STAT5B: variants seen among roughly 807,000 people sequenced by gnomAD.
The protein encoded by STAT5B is signal transducer and activator of transcription 5B.
Under a neutral mutation model 107.8 loss-of-function variants are expected in STAT5B, and 21 were observed. The ratio of observed to expected loss-of-function variants is 0.19; its 90% confidence interval spans 0.14 to 0.28. The LOEUF (loss-of-function observed/expected upper bound fraction) is 0.28. Ranked by LOEUF, STAT5B falls within the 10% of genes least tolerant of loss-of-function variation. STAT5B has a pLI of 1.00. For synonymous variants in STAT5B, 325 were observed against 401.7 expected, an observed-to-expected ratio of 0.81 and a Z score of 2.28; for missense variants, 565 against 1,008.2, an observed-to-expected ratio of 0.56 and a Z score of 5.95.
chr17:42,281,140 A>AAAAAC (rs1567683244), upstream of STAT5B, among the ~76,000 whole-genome samples: 144 of 152,164 alleles, frequency 9.5e-4, no homozygotes, highest in African/African-American at 3.3e-3. Flanking sequence ...TCTCAAAAAA[A>AAAAAC]AAAAACAAAA....
chr17:42,220,528 G>T (rs1213690724), intron 5 of STAT5B, among the ~76,000 whole-genome samples: 1 of 152,124 alleles, frequency 6.6e-6, no homozygotes, highest in Non-Finnish European at 1.5e-5. Flanking sequence ...CCTCCTCAGG[G>T]GAGGATGAGA....
At chr17:42,223,284 C>T (rs984322710) in intron 5 of STAT5B, 98 bp downstream of exon 5, 12 of 1,576,234 alleles carry the variant, frequency 7.6e-6, no homozygotes, top group Middle Eastern at 2.2e-4. Flanking sequence ...TCGCTGCCTC[C>T]GAATGGAAAG....
rs1555548681 is a variant in STAT5B at position 42,216,079 on chromosome 17, C to T, written c.1408G>A (p.Val470Ile). 6.2e-7 allele frequency: 1 copy of T among 1,613,816 alleles called. No homozygotes were observed. The highest frequency in any genetic ancestry group is 8.5e-7 in the Non-Finnish European group (1 of 1,179,906). Residue 470 changes from valine to isoleucine, a missense_variant, in exon 12 of 19, where the codon GTT becomes ATT. Physicochemically the swap from Val to Ile is conservative, Grantham distance 29. This residue lies in a region of STAT5B where 127 missense variants were observed against 215.8 expected (regional missense o/e 0.59). Transcript: ENST00000293328. ...GCATTGTTGTCCTGGCTGCCATGAA[C>T]GATCACCACCACTGGCAGGGACAGG... ...KTLSLPVVVI[V>I]HGSQDNNATA...
Position 42,227,514 on chromosome 17 carries a change from A to C in STAT5B, c.285+15T>G. On this transcript the variant is annotated intron_variant, in intron 3 of 18. Transcript: ENST00000293328. ...AGGGAAGGTAATTAAGTGTGACCCC[A>C]GAGCCCACACCCACCTGGAGCTGTG... 6.2e-7 allele frequency: 1 copy of C among 1,612,900 alleles called. No homozygotes were observed. Among genetic ancestry groups the C allele is most frequent in the African/African-American group, 1.3e-5 (1 of 74,988 alleles).
chr17:42,274,469 A>C (rs1253193494), intron 1 of STAT5B, among the ~76,000 whole-genome samples: 3 of 152,120 alleles, frequency 2.0e-5, no homozygotes, highest in Non-Finnish European at 4.4e-5. Flanking sequence ...TCACATAGGA[A>C]GTTTTTCTTA....
chr17:42,238,828 G>A (rs918032853), intron 1 of STAT5B, among the ~76,000 whole-genome samples: 5 of 151,944 alleles, frequency 3.3e-5, no homozygotes, highest in African/African-American at 1.2e-4. Context: ...GGTGGTGGTG[G>A]AAAGGCACCA....
At chr17:42,263,749 A>C (rs1209803746) in intron 1 of STAT5B, among the ~76,000 whole-genome samples, 2 of 151,398 alleles carry the variant, frequency 1.3e-5, no homozygotes, top group Non-Finnish European at 2.9e-5. Context: ...CTGATCTTGA[A>C]CTCCTGGACT....
chr17:42,203,630 T>C (rs533366266), intron 16 of STAT5B, among the ~76,000 whole-genome samples: 7 of 152,164 alleles, frequency 4.6e-5, no homozygotes, highest in South Asian at 4.2e-4. Context: ...CTGGAGGTTT[T>C]CTTTTTTTTC....
At chr17:42,267,774 C>T (rs1043194920) in intron 1 of STAT5B, among the ~76,000 whole-genome samples, 1 of 151,940 alleles carries the variant, frequency 6.6e-6, no homozygotes, top group South Asian at 2.1e-4. Context: ...GCCTGGCCAA[C>T]ATGGTGAAAC....
At chr17:42,263,871 G>GCGCGCGCGCACACACACA (rs1007528555) in intron 1 of STAT5B, among the ~76,000 whole-genome samples, 1 of 144,936 alleles carries the variant, frequency 6.9e-6, no homozygotes, top group Admixed American at 7.0e-5. Flanking sequence ...TAGAAAGCGC[G>GCGCGCGCGCACACACACA]CACACACACA....
chr17:42,256,557 A>G (rs2080546373), intron 1 of STAT5B, among the ~76,000 whole-genome samples: 1 of 152,032 alleles, frequency 6.6e-6, no homozygotes, highest in Admixed American at 6.6e-5. Flanking sequence ...AAGATACAGT[A>G]TTTTAAGATA....
At chr17:42,282,355 G>A in the STAT5B span, among the ~76,000 whole-genome samples, 10 of 151,906 alleles carry the variant, frequency 6.6e-5, no homozygotes, top group African/African-American at 9.7e-5. Context: ...ACAGAGTCTC[G>A]CTCTGTCACC....
chr17:42,217,317 A>G (rs765862991), intron 10 of STAT5B, 35 bp from the exon 11 acceptor site: 5 of 1,614,136 alleles, frequency 3.1e-6, no homozygotes, highest in East Asian at 2.2e-5. Context: ...AACGTAAGAT[A>G]TAAGTTGTTC....
At chr17:42,228,252 G>A (rs78228048) in intron 2 of STAT5B, among the ~76,000 whole-genome samples, 2,111 of 152,288 alleles carry the variant, frequency 0.014, 44 homozygotes, top group African/African-American at 0.049. Context: ...AGACATTCAT[G>A]TCACTAGTTG....
At chr17:42,257,469 A>G (rs925106933) in intron 1 of STAT5B, among the ~76,000 whole-genome samples, 1 of 152,234 alleles carries the variant, frequency 6.6e-6, no homozygotes, top group Non-Finnish European at 1.5e-5. Flanking sequence ...CTGAAAGCCT[A>G]TCATCTTTAT....
rs541972994 is a variant in STAT5B at position 42,235,767 on chromosome 17, C to A, written c.-10-3630G>T. ...CTGGGATTACAGGCGTGAGCCACCA[C>A]GCTCGGCCAGGAGCACATCTTATTC... On this transcript the variant is annotated intron_variant, in intron 1 of 18. Coordinates refer to ENST00000293328, the MANE Select transcript of STAT5B (RefSeq NM_012448.4). Among the ~76,000 whole-genome samples the A allele has an allele frequency of 1.8e-4, 27 of 152,282 alleles. No individual in the cohort carries two copies. In the South Asian group the frequency reaches 4.3e-3, roughly 25 times the overall value.
intron 13 of STAT5B, among the ~76,000 whole-genome samples, chr17:42,211,172 T>A (rs1009397404): frequency 6.6e-6 from 1 of 151,178 alleles, no homozygotes; most frequent in Non-Finnish European, 1.5e-5. Flanking sequence ...CTGCACTCCT[T>A]GTGACAGAGC....
At chr17:42,281,548 T>C (rs2080795771), upstream of STAT5B, among the ~76,000 whole-genome samples, 1 of 152,236 alleles carries the variant, frequency 6.6e-6, no homozygotes, top group Admixed American at 6.5e-5. Context: ...TCTCTCTTTC[T>C]TTCCCTCAGC....
intron 16 of STAT5B, among the ~76,000 whole-genome samples, chr17:42,204,523 C>A (rs1238533671): frequency 2.6e-5 from 4 of 152,156 alleles, no homozygotes; most frequent in African/African-American, 9.7e-5. Context: ...TCAGGAGCGA[C>A]CTTTTCATAA....
Sources: gnomAD v4.1 joint callset for allele counts (sites outside exome capture counted in the v4.1 genomes callset) on GRCh38, gnomAD v4.1.1 for gene constraint, gnomAD v4.1.1 regional missense constraint, MANE v1.5 for transcripts, NCBI Gene and HGNC (gene_info 2026-07-23, HGNC 2026-07-21) for gene names.